Variants in INPP1 observed in about 807,000 individuals in gnomAD.
INPP1 encodes inositol polyphosphate-1-phosphatase, also known as inositol polyphosphate 1-phosphatase.
Under a neutral mutation model 23.0 loss-of-function variants are expected in INPP1, and 18 were observed. That is an observed-to-expected ratio of 0.78 (90% CI 0.54 to 1.16). INPP1 has a LOEUF of 1.16. Among genes scored for constraint, INPP1 ranks in the 50% most tolerant of loss-of-function variants. INPP1 has a pLI of 0.00. For missense variants in INPP1, 448 were observed against 482.1 expected (o/e 0.93, Z 0.66); for synonymous variants, 164 against 176.3 (o/e 0.93, Z 0.55).
chr2:190,358,433 G>A (rs757675698), intron 2 of INPP1, among the ~76,000 whole-genome samples: 3 of 152,176 alleles, frequency 2.0e-5, no homozygotes, highest in Non-Finnish European at 2.9e-5. Flanking sequence ...AGCCAGGCTG[G>A]TCCTGAACTC....
At chr2:190,351,332 A>C (rs900461743) in intron 2 of INPP1, among the ~76,000 whole-genome samples, 1 of 152,212 alleles carries the variant, frequency 6.6e-6, no homozygotes, top group African/African-American at 2.4e-5. Context: ...TAAAAAACAA[A>C]CCTTTTTAGT....
Position 190,356,509 on chromosome 2 carries a change from C to CA in INPP1, c.-64-3527dup, listed in dbSNP as rs1243699700. ...AAATAAAGGTTGGGCCCAAAGAGGA[C>CA]AAATTCCAGATTACTGCAGCATTTG... On this transcript the variant is annotated intron_variant, in intron 2 of 6. Coordinates refer to ENST00000392329, the MANE Select transcript of INPP1 (RefSeq NM_001128928.2). This position sits in a 1 kb window ranked among gnomAD's most constrained non-coding sequence, Gnocchi z 6.4. 6.6e-6 allele frequency: 1 copy of CA among 152,126 alleles called. No individual in the cohort carries two copies. Among genetic ancestry groups the CA allele is most frequent in the Non-Finnish European group, 1.5e-5 (1 of 68,040 alleles). The allele number at this position is 152,126 out of a possible 1,614,324, so 9.4% of individuals were successfully genotyped here. A position where few individuals can be genotyped will look rare whatever the true frequency, so the allele number is the denominator to read the frequency against.
chr2:190,349,915 G>T (rs1198486589), intron 2 of INPP1, among the ~76,000 whole-genome samples: 1 of 152,220 alleles, frequency 6.6e-6, no homozygotes, highest in Non-Finnish European at 1.5e-5. Context: ...TGTGATCTTG[G>T]TTCACTGCAA....
At chr2:190,362,928 G>T in intron 4 of INPP1, 1 of 307,276 alleles carries the variant, frequency 3.3e-6, no homozygotes, top group Non-Finnish European at 6.0e-6. Flanking sequence ...TAAATCTGTG[G>T]CATTTAAGTA....
At chr2:190,369,309 T>C (rs750835778) in intron 6 of INPP1, 32 bp downstream of exon 6, 2 of 1,320,206 alleles carry the variant, frequency 1.5e-6, no homozygotes, top group Non-Finnish European at 1.1e-6. Flanking sequence ...TATATTATGG[T>C]TGTTAGAACT....
rs1253210223 is a variant in INPP1, at chr2:190,355,495, T to C, written c.-64-4544T>C. Among the ~76,000 whole-genome samples, 1 of 152,220 alleles carries C rather than the reference T, an allele frequency of 6.6e-6. No individual in the cohort carries two copies. Among genetic ancestry groups the C allele is most frequent in the African/African-American group, 2.4e-5 (1 of 41,452 alleles). On this transcript the variant is annotated intron_variant, in intron 2 of 6. Transcript: ENST00000392329. The surrounding 1 kb of genome is among the most constrained non-coding windows in gnomAD (Gnocchi z 5.1). ...CTGTGTTTAGAGTTATACAGGTTGCTGACAAAAATACAGATTCCTAGGGCT... is the reference window on the plus strand; with the variant it reads ...CTGTGTTTAGAGTTATACAGGTTGCCGACAAAAATACAGATTCCTAGGGCT...
intron 2 of INPP1, among the ~76,000 whole-genome samples, chr2:190,351,622 C>T (rs1250728345): frequency 6.6e-6 from 1 of 152,212 alleles, no homozygotes; most frequent in Non-Finnish European, 1.5e-5. Flanking sequence ...TGAGATGCAT[C>T]CATGTTGTTG....
chr2:190,350,022 T>G (rs1452741569), intron 2 of INPP1, among the ~76,000 whole-genome samples: 1 of 152,190 alleles, frequency 6.6e-6, no homozygotes, highest in African/African-American at 2.4e-5. Flanking sequence ...TTTTTGTATT[T>G]TTAGTAGAAA....
At chr2:190,350,980 A>G (rs913866581) in intron 2 of INPP1, among the ~76,000 whole-genome samples, 3 of 152,252 alleles carry the variant, frequency 2.0e-5, no homozygotes, top group Non-Finnish European at 4.4e-5. Context: ...AGACTTTTAT[A>G]CAAATATGGG....
chr2:190,362,384 C>T (rs1689551762), intron 3 of INPP1, among the ~76,000 whole-genome samples: 1 of 152,052 alleles, frequency 6.6e-6, no homozygotes, highest in South Asian at 2.1e-4. Flanking sequence ...CATAAGGGAA[C>T]CAGGCATCTA....
chr2:190,371,545 T>C lies in INPP1; in HGVS notation c.*143T>C. The C allele has an allele frequency of 1.9e-6, 1 of 518,966 alleles. No individual in the cohort carries two copies. The allele number at this position is 518,966 out of a possible 1,614,324, so 32.1% of individuals were successfully genotyped here. On this transcript the variant is annotated 3_prime_UTR_variant, in exon 7 of 7. Transcript: ENST00000392329. The surrounding 1 kb of genome is among the most constrained non-coding windows in gnomAD (Gnocchi z 5.3). ...GGAGTATTTTTCCATTATGTATTCA[T>C]AATAATGTTAATTTCAATAAATGAC...
intron 3 of INPP1, among the ~76,000 whole-genome samples, chr2:190,362,061 C>T (rs1381456803): frequency 6.6e-6 from 1 of 152,168 alleles, no homozygotes; most frequent in Non-Finnish European, 1.5e-5. Context: ...TATATTGATA[C>T]TTAAATTATT....
intron 3 of INPP1, among the ~76,000 whole-genome samples, chr2:190,360,961 C>T (rs2067411): frequency 0.22 from 33,551 of 152,000 alleles, 4,033 homozygotes; most frequent in East Asian, 0.41. Flanking sequence ...ACAATGATTA[C>T]GACTCTTTCT....
intron 1 of INPP1, among the ~76,000 whole-genome samples, chr2:190,344,724 C>T (rs73981064): frequency 0.013 from 2,014 of 152,214 alleles, 55 homozygotes; most frequent in African/African-American, 0.045. Context: ...TATAAGAAAC[C>T]ACGGCTTGTT....
chr2:190,347,982 A>T (rs1367307997), intron 1 of INPP1, among the ~76,000 whole-genome samples: 1 of 152,220 alleles, frequency 6.6e-6, no homozygotes, highest in East Asian at 1.9e-4. Context: ...TACTAAAAAT[A>T]CAAAAATTAG....
chr2:190,358,878 G>A (rs573583272), intron 2 of INPP1, among the ~76,000 whole-genome samples: 8 of 152,284 alleles, frequency 5.3e-5, no homozygotes, highest in East Asian at 3.9e-4. Flanking sequence ...TTATTCAACC[G>A]TTTACTGGGT....
At chr2:190,369,365 T>TG in intron 6 of INPP1, 88 bp downstream of exon 6, 1 of 624,260 alleles carries the variant, frequency 1.6e-6, no homozygotes. Context: ...CTATATGACA[T>TG]TCCCATGACT....
chr2:190,351,284 C>G (rs539293709), intron 2 of INPP1, among the ~76,000 whole-genome samples: 1 of 152,166 alleles, frequency 6.6e-6, no homozygotes, highest in Non-Finnish European at 1.5e-5. Context: ...CTGAAGGAGC[C>G]AACAGTTGAA....
chr2:190,352,420 T>A lies in INPP1; in HGVS notation c.-65+3389T>A, dbSNP rs1689341425. Among the ~76,000 whole-genome samples, 1 of 152,216 alleles carries A rather than the reference T, an allele frequency of 6.6e-6. No individual in the cohort carries two copies. Among genetic ancestry groups the A allele is most frequent in the Non-Finnish European group, 1.5e-5 (1 of 68,034 alleles). ...TGTTTGACAGTCAAATATCTGAAAGTTGAACATGGCTTATACACTGGGAAA... is the reference window on the plus strand; with the variant it reads ...TGTTTGACAGTCAAATATCTGAAAGATGAACATGGCTTATACACTGGGAAA... On this transcript the variant is annotated intron_variant, in intron 2 of 6. Transcript: ENST00000392329. The surrounding 1 kb of genome is among the most constrained non-coding windows in gnomAD (Gnocchi z 4.7).
Sources: allele counts gnomAD v4.1 joint callset (sites outside exome capture counted in the v4.1 genomes callset), GRCh38; gene constraint gnomAD v4.1.1; non-coding constraint Gnocchi (gnomAD v3.1); transcripts MANE v1.5; gene names NCBI Gene and HGNC (gene_info 2026-07-23, HGNC 2026-07-21).